DTNBP1: variants seen among roughly 807,000 people sequenced by gnomAD.
DTNBP1 encodes dystrobrevin binding protein 1.
In DTNBP1, 35 loss-of-function variants were observed where a neutral mutation model predicts 42.8. The ratio of observed to expected loss-of-function variants is 0.82; its 90% CI spans 0.63 to 1.09. The LOEUF is 1.09. Among genes scored for constraint, DTNBP1 ranks in the 50% least tolerant of loss-of-function variants. The pLI is 0.00. For missense variants in DTNBP1, 457 were observed against 424.2 expected, an observed-to-expected ratio of 1.08 and a Z score of -0.68; for synonymous variants, 171 against 162.2, an observed-to-expected ratio of 1.05 and a Z score of -0.41.
chr6:15,576,414 T>C (rs1775569764), intron 7 of DTNBP1, among the ~76,000 whole-genome samples: 2 of 150,990 alleles, frequency 1.3e-5, no homozygotes, highest in South Asian at 2.1e-4. Flanking sequence ...TGAGCCACCG[T>C]GCCCGGCCTA....
chr6:15,551,077 C>A (rs1774184028), intron 7 of DTNBP1, among the ~76,000 whole-genome samples: 2 of 152,090 alleles, frequency 1.3e-5, no homozygotes, highest in South Asian at 4.1e-4. Context: ...ATTAGTTTAT[C>A]AGGACCTCTC....
chr6:15,627,005 A>C lies in DTNBP1; in HGVS notation c.355+338T>G, dbSNP rs541671912. Among the ~76,000 whole-genome samples the C allele has an allele frequency of 2.2e-3, 334 of 152,366 alleles. 1 individual carries two copies. Among genetic ancestry groups the C allele is most frequent in the African/African-American group, 7.8e-3 (324 of 41,584 alleles). ...TTAAAAGCAACAATTTCTGGAATACATTCTACAGTAAGGACAAAGTCACCT... is the reference window on the plus strand; with the variant it reads ...TTAAAAGCAACAATTTCTGGAATACCTTCTACAGTAAGGACAAAGTCACCT... On this transcript the variant is annotated intron_variant, in intron 5 of 9. Transcript: ENST00000344537.
chr6:15,542,697 A>T (rs1426885420), intron 7 of DTNBP1, among the ~76,000 whole-genome samples: 1 of 149,166 alleles, frequency 6.7e-6, no homozygotes, highest in African/African-American at 2.5e-5. Flanking sequence ...AATTATTTGC[A>T]TTTTTTTCTT....
chr6:15,662,159 TG>T (rs1305736416), intron 1 of DTNBP1, among the ~76,000 whole-genome samples: 2 of 152,268 alleles, frequency 1.3e-5, no homozygotes, highest in Admixed American at 1.3e-4. Flanking sequence ...TGGGAACCGC[TG>T]GGTATTAAAA....
intron 1 of DTNBP1, among the ~76,000 whole-genome samples, chr6:15,661,020 A>G (rs957793638): frequency 1.3e-5 from 2 of 152,228 alleles, no homozygotes; most frequent in Non-Finnish European, 2.9e-5. Context: ...AAGCACACCC[A>G]TCAGTGAATG....
intron 5 of DTNBP1, among the ~76,000 whole-genome samples, chr6:15,617,983 G>A (rs568113819): frequency 6.6e-6 from 1 of 152,006 alleles, no homozygotes; most frequent in Non-Finnish European, 1.5e-5. Flanking sequence ...ATCCCACAAG[G>A]GATTAATATC....
At chr6:15,620,456 G>T (rs1174923471) in intron 5 of DTNBP1, among the ~76,000 whole-genome samples, 1 of 152,008 alleles carries the variant, frequency 6.6e-6, no homozygotes, top group Non-Finnish European at 1.5e-5. Context: ...CCAAAGTGCT[G>T]GAATTACAGG....
intron 5 of DTNBP1, among the ~76,000 whole-genome samples, chr6:15,617,586 C>T (rs916267749): frequency 1.8e-4 from 28 of 151,818 alleles, no homozygotes; most frequent in African/African-American, 6.0e-4. Context: ...TTATAGCCAA[C>T]CAGTTTTTGA....
At chr6:15,605,567 TC>T in intron 6 of DTNBP1, among the ~76,000 whole-genome samples, 1 of 152,334 alleles carries the variant, frequency 6.6e-6, no homozygotes, top group South Asian at 2.1e-4. Flanking sequence ...ATTCTTTTTT[TC>T]TTTATAAATT....
intron 1 of DTNBP1, among the ~76,000 whole-genome samples, chr6:15,662,360 G>A (rs1289627347): frequency 1.2e-4 from 19 of 152,224 alleles, no homozygotes; most frequent in Non-Finnish European, 2.6e-4. Flanking sequence ...AGGCTGCTGC[G>A]CGGTGCGATC....
chr6:15,565,935 A>G (rs1341972461), intron 7 of DTNBP1, among the ~76,000 whole-genome samples: 2 of 152,212 alleles, frequency 1.3e-5, no homozygotes, highest in Non-Finnish European at 2.9e-5. Context: ...AAACATTCAG[A>G]GGAGAAATAC....
chr6:15,570,414 G>A (rs1228618932), intron 7 of DTNBP1, among the ~76,000 whole-genome samples: 2 of 152,188 alleles, frequency 1.3e-5, no homozygotes, highest in Non-Finnish European at 2.9e-5. Context: ...TGTACTCTGA[G>A]TTCTCCAAAA....
chr6:15,532,697 C>CTTTT (rs373480713), intron 8 of DTNBP1, among the ~76,000 whole-genome samples: 96 of 93,098 alleles, frequency 1.0e-3, no homozygotes, highest in South Asian at 1.6e-3. Context: ...TGTTTGTAAT[C>CTTTT]TTTTTTTTTT....
intron 6 of DTNBP1, chr6:15,595,183 C>G (rs1296151951): frequency 2.2e-6 from 1 of 451,030 alleles, no homozygotes; most frequent in Non-Finnish European, 4.4e-6. Flanking sequence ...ATTCCTAAAA[C>G]AGATGACTGC....
intron 2 of DTNBP1, 120 bp downstream of exon 2, chr6:15,651,967 T>C (rs1761025415): frequency 2.5e-6 from 2 of 807,104 alleles, no homozygotes; most frequent in Admixed American, 2.5e-5. Flanking sequence ...ATAAATTATT[T>C]TGTAGTCAGA....
rs138221146 is a variant in DTNBP1 at position 15,630,953 on chromosome 6, C to T, written c.223-3478G>A. ...AAACAAGCCTAAACAACAAAGTTAC[C>T]TTTGATCACAGTTGCTTGTTTTATA... On this transcript the variant is annotated intron_variant, in intron 4 of 9. Transcript: ENST00000344537. Among the ~76,000 whole-genome samples the T allele has an allele frequency of 2.0e-5, 3 of 152,226 alleles. 1 individual carries two copies. The East Asian group carries it at 5.8e-4, about 29-fold the overall frequency.
chr6:15,597,806 A>C (rs919378662), intron 6 of DTNBP1, among the ~76,000 whole-genome samples: 1 of 152,222 alleles, frequency 6.6e-6, no homozygotes, highest in African/African-American at 2.4e-5. Context: ...AGGATGACTA[A>C]GATCTGCTTC....
intron 3 of DTNBP1, among the ~76,000 whole-genome samples, chr6:15,639,120 T>C (rs891983782): frequency 5.3e-5 from 8 of 152,194 alleles, no homozygotes; most frequent in African/African-American, 1.9e-4. Context: ...GATTGGATCC[T>C]AGTACAGAAA....
chr6:15,647,645 G>C (rs188722052), intron 3 of DTNBP1, among the ~76,000 whole-genome samples: 61 of 151,156 alleles, frequency 4.0e-4, no homozygotes, highest in African/African-American at 1.5e-3. Flanking sequence ...AAAGGATTAT[G>C]AGAGAGTGCT....
Sources: gnomAD v4.1 joint callset for allele counts (sites outside exome capture counted in the v4.1 genomes callset) on GRCh38, gnomAD v4.1.1 for gene constraint, MANE v1.5 for transcripts, NCBI Gene and HGNC (gene_info 2026-07-23, HGNC 2026-07-21) for gene names.